Variants in NXPE2 observed in about 807,000 individuals in gnomAD.
The protein encoded by NXPE2 is neurexophilin and PC-esterase domain family member 2, also known as NXPE family member 2.
A neutral mutation model predicts 34.4 loss-of-function variants in NXPE2; 34 were observed. That is an observed-to-expected ratio of 0.99 (90% CI 0.75 to 1.31). NXPE2 has a LOEUF of 1.31. Among genes scored for constraint, NXPE2 ranks in the 40% most tolerant of loss-of-function variants. NXPE2 has a pLI of 0.00. For missense variants in NXPE2, 649 were observed against 672.5 expected, an observed-to-expected ratio of 0.97 and a Z score of 0.39; for synonymous variants, 235 against 231.3, an observed-to-expected ratio of 1.02 and a Z score of -0.15.
the NXPE2 span, among the ~76,000 whole-genome samples, chr11:114,720,363 T>C: frequency 3.3e-5 from 5 of 152,244 alleles, no homozygotes; most frequent in East Asian, 1.9e-4. Context: ...TCTGAATCCC[T>C]TGATATATCT....
At chr11:114,621,265 A>C in the NXPE2 span, among the ~76,000 whole-genome samples, 9 of 151,402 alleles carry the variant, frequency 5.9e-5, no homozygotes, top group African/African-American at 2.2e-4. Context: ...GTGTTGCCTC[A>C]TGGGTAACCA....
the NXPE2 span, among the ~76,000 whole-genome samples, chr11:114,630,440 T>A: frequency 6.6e-6 from 1 of 151,770 alleles, no homozygotes; most frequent in Non-Finnish European, 1.5e-5. Flanking sequence ...CCCTATTTAA[T>A]AAATGGTGCT....
At chr11:114,780,819 C>T in the NXPE2 span, among the ~76,000 whole-genome samples, 1 of 152,124 alleles carries the variant, frequency 6.6e-6, no homozygotes, top group Non-Finnish European at 1.5e-5. Flanking sequence ...GAAGGAGCCA[C>T]AGAAGAAAGG....
chr11:114,631,146 C>G, the NXPE2 span, among the ~76,000 whole-genome samples: 1 of 151,946 alleles, frequency 6.6e-6, no homozygotes, highest in Non-Finnish European at 1.5e-5. Flanking sequence ...CTAGAAATAC[C>G]ATTTGACCCA....
At chr11:114,750,165 A>G in the NXPE2 span, among the ~76,000 whole-genome samples, 1 of 152,138 alleles carries the variant, frequency 6.6e-6, no homozygotes, top group Non-Finnish European at 1.5e-5. Flanking sequence ...TGCTCTGCCT[A>G]CCTAAAGGTG....
At chr11:114,645,536 T>C in the NXPE2 span, among the ~76,000 whole-genome samples, 10 of 152,234 alleles carry the variant, frequency 6.6e-5, no homozygotes, top group African/African-American at 2.4e-4. Context: ...TAAATTTAAC[T>C]ATATTAAATT....
chr11:114,532,953 A>G, the NXPE2 span, among the ~76,000 whole-genome samples: 1 of 152,196 alleles, frequency 6.6e-6, no homozygotes, highest in African/African-American at 2.4e-5. Context: ...AAAGGATTTG[A>G]TGTATTTCAA....
chr11:114,693,661 T>A (rs1299771545), intron 2 of NXPE2, among the ~76,000 whole-genome samples: 1 of 152,202 alleles, frequency 6.6e-6, no homozygotes, highest in Non-Finnish European at 1.5e-5. Flanking sequence ...CATTAGAGTG[T>A]AAACAGGACC....
chr11:114,612,637 C>T, the NXPE2 span, among the ~76,000 whole-genome samples: 14 of 151,960 alleles, frequency 9.2e-5, no homozygotes, highest in Middle Eastern at 3.4e-3. Flanking sequence ...TAAGTATTGC[C>T]TCGTGGGTAA....
chr11:114,499,407 A>T, the NXPE2 span, among the ~76,000 whole-genome samples: 2 of 152,016 alleles, frequency 1.3e-5, no homozygotes, highest in Non-Finnish European at 2.9e-5. Context: ...TGCCATTTTT[A>T]AAATTCATTT....
At chr11:114,616,616 C>T in the NXPE2 span, among the ~76,000 whole-genome samples, 1 of 139,956 alleles carries the variant, frequency 7.1e-6, no homozygotes, top group Non-Finnish European at 1.6e-5. Context: ...TCATGGGTAA[C>T]CACAGTTACC....
chr11:114,686,333 C>T (rs537469806), intron 2 of NXPE2, among the ~76,000 whole-genome samples: 11 of 152,112 alleles, frequency 7.2e-5, no homozygotes, highest in African/African-American at 2.6e-4. Flanking sequence ...GTGTATCCAA[C>T]GTTTAGCTCT....
the NXPE2 span, chr11:114,527,806 G>C: frequency 6.6e-7 from 1 of 1,506,638 alleles, no homozygotes; most frequent in Non-Finnish European, 9.0e-7. Context: ...AGTTTCCTCT[G>C]AGCATCACCT....
chr11:114,575,796 A>G, the NXPE2 span, among the ~76,000 whole-genome samples: 1 of 152,156 alleles, frequency 6.6e-6, no homozygotes. Flanking sequence ...TACAAATTCA[A>G]TGCAATTTTC....
At chr11:114,806,763 C>G in the NXPE2 span, among the ~76,000 whole-genome samples, 2 of 151,814 alleles carry the variant, frequency 1.3e-5, no homozygotes, top group African/African-American at 4.8e-5. Context: ...TTGGAAAACA[C>G]TCTGCAGGAT....
chr11:114,802,949 C>G, the NXPE2 span, among the ~76,000 whole-genome samples: 4,898 of 152,110 alleles, frequency 0.032, 271 homozygotes, highest in African/African-American at 0.11. Flanking sequence ...ATGAAACCAT[C>G]TGATTCCAGG....
chr11:114,583,163 C>A, the NXPE2 span: 1 of 899,420 alleles, frequency 1.1e-6, no homozygotes, highest in Non-Finnish European at 1.7e-6. Flanking sequence ...GATTTACATA[C>A]TATTATCAAT....
At chr11:114,779,617 G>A in the NXPE2 span, among the ~76,000 whole-genome samples, 1 of 152,100 alleles carries the variant, frequency 6.6e-6, no homozygotes, top group East Asian at 1.9e-4. Context: ...CTTTGTTTGG[G>A]CTCAGAGGAC....
the NXPE2 span, among the ~76,000 whole-genome samples, chr11:114,783,874 A>G: frequency 1.3e-5 from 2 of 152,240 alleles, no homozygotes; most frequent in Non-Finnish European, 2.9e-5. Flanking sequence ...ATGCTGGTGT[A>G]GTGGAAAGAA....
Sources: gnomAD v4.1 joint callset for allele counts (sites outside exome capture counted in the v4.1 genomes callset) on GRCh38, gnomAD v4.1.1 for gene constraint, MANE v1.5 for transcripts, NCBI Gene and HGNC (gene_info 2026-07-23, HGNC 2026-07-21) for gene names.